The following USH2A variants were observed in gnomAD, a reference collection of about 807,000 sequenced individuals.
USH2A encodes usherin.
Under a neutral mutation model 538.9 loss-of-function variants are expected in USH2A, and 443 were observed. That is an observed-to-expected ratio of 0.82 (90% CI 0.76 to 0.89). USH2A has a LOEUF of 0.89. USH2A is among the 40% of genes least tolerant of loss of function. The probability of loss-of-function intolerance (pLI) is 0.00; values close to 1 mark genes in which losing one functional copy is unlikely to be tolerated. For missense variants in USH2A, 6,633 were observed against 6,324.8 expected, an observed-to-expected ratio of 1.05 and a Z score of -1.65; for synonymous variants, 2,413 against 2,273.5, an observed-to-expected ratio of 1.06 and a Z score of -1.75.
Position 216,418,437 on chromosome 1 carries a change from A to G in USH2A, c.651+77T>C, listed in dbSNP as rs1022550872. ...AGATACTGCTGCAGATTTTGTGAGT[A>G]GATGCCATTTAAAAGAGAGAAAGGA... On this transcript the variant is annotated intron_variant, in intron 3 of 71. Coordinates refer to ENST00000307340, the MANE Select transcript of USH2A (RefSeq NM_206933.4). 3 of 1,531,106 alleles carry G rather than the reference A, an allele frequency of 2.0e-6. No homozygotes were observed. In the African/African-American group the frequency reaches 4.1e-5, roughly 21 times the overall value. 94.8% of individuals were successfully genotyped at this position (1,531,106 alleles called of 1,614,324 possible). A position where few individuals can be genotyped will look rare whatever the true frequency, so the allele number is the denominator to read the frequency against.
chr1:215,937,482 C>T (rs1421366698), intron 37 of USH2A, among the ~76,000 whole-genome samples: 1 of 151,982 alleles, frequency 6.6e-6, no homozygotes, highest in Non-Finnish European at 1.5e-5. Flanking sequence ...GAACATGCCC[C>T]AAGTACATAA....
At chr1:215,763,779 G>A (rs990697805) in intron 56 of USH2A, among the ~76,000 whole-genome samples, 1 of 152,082 alleles carries the variant, frequency 6.6e-6, no homozygotes, top group African/African-American at 2.4e-5. Context: ...TCCTAGTTAG[G>A]AGGATCCAGA....
At position 215,674,795 on chromosome 1, in the gene USH2A, CATTT is replaced by C. The variant is rs768161313; in HGVS notation, c.13112_13115del (p.Gln4371ArgfsTer19). On this transcript the variant is annotated frameshift_variant, in exon 63 of 72. Transcript: ENST00000307340. LOFTEE classifies it high-confidence loss of function. ...CTGTGGGCGGTGACCAACATACATT[CATTT>C]GAGTGGCACTGACGGCCCAAAGATC... 10 of 1,614,040 alleles carry C rather than the reference CATTT, an allele frequency of 6.2e-6. No homozygotes were observed. In the East Asian group the frequency reaches 8.9e-5, roughly 14 times the overall value.
chr1:215,799,679 A>C (rs1662261971), intron 49 of USH2A, among the ~76,000 whole-genome samples: 1 of 151,880 alleles, frequency 6.6e-6, no homozygotes, highest in Non-Finnish European at 1.5e-5. Flanking sequence ...CAGTCTGGGA[A>C]ATTTGGGATA....
intron 44 of USH2A, among the ~76,000 whole-genome samples, chr1:215,861,325 A>G (rs1664305911): frequency 3.3e-5 from 5 of 152,238 alleles, no homozygotes; most frequent in Admixed American, 2.0e-4. Context: ...CAGGATAGCT[A>G]ATTTCTACTT....
At chr1:216,090,921 C>T (rs190941073) in intron 22 of USH2A, among the ~76,000 whole-genome samples, 3 of 152,172 alleles carry the variant, frequency 2.0e-5, no homozygotes, top group Admixed American at 1.3e-4. Flanking sequence ...TTGTTACAAA[C>T]GATGCTGCAT....
chr1:215,911,753 G>A (rs987217596), intron 38 of USH2A, among the ~76,000 whole-genome samples: 5 of 151,988 alleles, frequency 3.3e-5, no homozygotes, highest in Non-Finnish European at 5.9e-5. Context: ...TCATATGGTA[G>A]CTCAATTTTT....
chr1:215,712,770 A>G (rs1375624470), intron 61 of USH2A, among the ~76,000 whole-genome samples: 2 of 151,978 alleles, frequency 1.3e-5, no homozygotes, highest in African/African-American at 4.8e-5. Context: ...AAAATATAAT[A>G]AATTTTCCTT....
intron 4 of USH2A, among the ~76,000 whole-genome samples, chr1:216,340,818 T>C (rs1468501228): frequency 1.3e-5 from 2 of 152,066 alleles, no homozygotes; most frequent in East Asian, 3.9e-4. Flanking sequence ...AAACTCTCAA[T>C]AAACTAGGTA....
rs1335736167 is a variant in USH2A, at chr1:215,926,632, T to TTTTC, written c.7300+7983_7300+7984insGAAA. Among the ~76,000 whole-genome samples the TTTTC allele has an allele frequency of 5.4e-5, 8 of 148,220 alleles. 1 individual carries two copies. Among genetic ancestry groups the TTTTC allele is most frequent in the African/African-American group, 2.0e-4 (8 of 40,200 alleles). On this transcript the variant is annotated intron_variant, in intron 38 of 71. Coordinates refer to ENST00000307340, the MANE Select transcript of USH2A (RefSeq NM_206933.4). Reference sequence around the variant, plus strand: ...TACCTATCTTTTTTTTTTTTTTTTTTTTGAGACAGAGTTTTGCTCTTGTTG... The same window carrying TTTTC: ...TACCTATCTTTTTTTTTTTTTTTTTTTTTCTTGAGACAGAGTTTTGCTCTTGTTG...
At chr1:216,249,693 T>C (rs1384799507) in intron 12 of USH2A, among the ~76,000 whole-genome samples, 2 of 152,162 alleles carry the variant, frequency 1.3e-5, no homozygotes, top group African/African-American at 4.8e-5. Context: ...GTAATGCCAC[T>C]AAACACACCT....
intron 38 of USH2A, among the ~76,000 whole-genome samples, chr1:215,908,833 G>T (rs1213546009): frequency 6.6e-6 from 1 of 151,592 alleles, no homozygotes; most frequent in Non-Finnish European, 1.5e-5. Flanking sequence ...TCGGGTAAAC[G>T]TTGATGAATG....
intron 64 of USH2A, among the ~76,000 whole-genome samples, chr1:215,666,631 T>A (rs1005441043): frequency 2.0e-5 from 3 of 152,146 alleles, no homozygotes; most frequent in African/African-American, 7.2e-5. Flanking sequence ...CCCAGAATGT[T>A]GTGAAATTTC....
chr1:216,297,779 GTAGT>G (rs1396230172), intron 9 of USH2A, among the ~76,000 whole-genome samples: 1 of 152,176 alleles, frequency 6.6e-6, no homozygotes, highest in Non-Finnish European at 1.5e-5. Flanking sequence ...TTGATCATCT[GTAGT>G]TATAACTACA....
intron 51 of USH2A, among the ~76,000 whole-genome samples, chr1:215,787,938 G>A (rs1337860832): frequency 6.6e-6 from 1 of 152,054 alleles, no homozygotes; most frequent in African/African-American, 2.4e-5. Context: ...CAGCTACTTG[G>A]CAGGTTGAGG....
At chr1:215,841,460 A>C (rs1325279116) in intron 46 of USH2A, among the ~76,000 whole-genome samples, 1 of 152,212 alleles carries the variant, frequency 6.6e-6, no homozygotes, top group East Asian at 1.9e-4. Flanking sequence ...TTCCCTATTT[A>C]ATAAATGGTA....
At chr1:215,968,875 G>T (rs549632221) in intron 36 of USH2A, among the ~76,000 whole-genome samples, 1 of 152,210 alleles carries the variant, frequency 6.6e-6, no homozygotes, top group South Asian at 2.1e-4. Flanking sequence ...ACTGAATTTT[G>T]TTGAGTATCA....
intron 21 of USH2A, among the ~76,000 whole-genome samples, chr1:216,170,532 C>A (rs1424696078): frequency 6.6e-6 from 1 of 152,090 alleles, no homozygotes; most frequent in Non-Finnish European, 1.5e-5. Context: ...TCCCCAAAGG[C>A]AGTTCCTGAT....
intron 61 of USH2A, among the ~76,000 whole-genome samples, chr1:215,691,333 C>T (rs1208325150): frequency 6.6e-6 from 1 of 152,188 alleles, no homozygotes; most frequent in Non-Finnish European, 1.5e-5. Flanking sequence ...GCCCACCCTT[C>T]CACTTCCTTT....
Sources: allele counts gnomAD v4.1 joint callset (sites outside exome capture counted in the v4.1 genomes callset), GRCh38; gene constraint gnomAD v4.1.1; transcripts MANE v1.5; gene names NCBI Gene and HGNC (gene_info 2026-07-23, HGNC 2026-07-21).